Variants in FCHSD2 observed in about 807,000 individuals in gnomAD.
FCHSD2 encodes F-BAR and double SH3 domains protein 2.
Under a neutral mutation model 108.1 loss-of-function variants are expected in FCHSD2, and 38 were observed. That is an observed-to-expected ratio of 0.35 (90% confidence interval 0.27 to 0.46). The LOEUF is 0.46. FCHSD2 is among the 20% of genes least tolerant of loss of function. The pLI, the probability that FCHSD2 is intolerant of heterozygous loss-of-function variation, is 1.00. For missense variants in FCHSD2, 751 were observed against 897.8 expected, an observed-to-expected ratio of 0.84 and a Z score of 2.09; for synonymous variants, 279 against 314.7, an observed-to-expected ratio of 0.89 and a Z score of 1.20.
chr11:73,025,302 G>A (rs1591491416), intron 3 of FCHSD2, among the ~76,000 whole-genome samples: 1 of 152,198 alleles, frequency 6.6e-6, no homozygotes, highest in Non-Finnish European at 1.5e-5. Context: ...GGAGTACTAT[G>A]CAGCCACAAA....
intron 3 of FCHSD2, among the ~76,000 whole-genome samples, chr11:73,041,315 A>G (rs998986332): frequency 6.6e-6 from 1 of 152,174 alleles, no homozygotes; most frequent in Non-Finnish European, 1.5e-5. Flanking sequence ...ACTGTTTTCC[A>G]TAGTAGCTAT....
At chr11:72,862,125 G>A (rs763916945) in intron 13 of FCHSD2, among the ~76,000 whole-genome samples, 1 of 152,088 alleles carries the variant, frequency 6.6e-6, no homozygotes, top group Non-Finnish European at 1.5e-5. Context: ...TCTTTAACAT[G>A]ATAAAGGGCA....
chr11:72,885,575 C>T (rs1855179889), intron 12 of FCHSD2, among the ~76,000 whole-genome samples: 1 of 152,106 alleles, frequency 6.6e-6, no homozygotes, highest in Non-Finnish European at 1.5e-5. Flanking sequence ...GTTAGGGTAC[C>T]AGTCGGTGAT....
At chr11:72,967,837 A>G (rs1231172684) in intron 8 of FCHSD2, among the ~76,000 whole-genome samples, 1 of 151,452 alleles carries the variant, frequency 6.6e-6, no homozygotes, top group Non-Finnish European at 1.5e-5. Flanking sequence ...CATGCCTGTA[A>G]TCTCAGCACT....
chr11:73,074,215 A>G (rs1474503848), intron 3 of FCHSD2, among the ~76,000 whole-genome samples: 1 of 152,178 alleles, frequency 6.6e-6, no homozygotes, highest in African/African-American at 2.4e-5. Flanking sequence ...AGTCAGGGGG[A>G]ATAAACTTTT....
At chr11:72,995,283 G>T (rs1348357802) in intron 5 of FCHSD2, among the ~76,000 whole-genome samples, 1 of 152,026 alleles carries the variant, frequency 6.6e-6, no homozygotes, top group African/African-American at 2.4e-5. Context: ...CAAAGTTTTT[G>T]TTTAATAAAT....
intron 3 of FCHSD2, among the ~76,000 whole-genome samples, chr11:73,075,888 G>A (rs1016289106): frequency 2.0e-5 from 3 of 151,906 alleles, no homozygotes; most frequent in African/African-American, 7.3e-5. Context: ...GGAGGCCAAC[G>A]CAGTCGGATC....
intron 3 of FCHSD2, among the ~76,000 whole-genome samples, chr11:73,030,923 G>A (rs139942011): frequency 9.2e-5 from 14 of 151,878 alleles, no homozygotes; most frequent in East Asian, 3.9e-4. Context: ...ATACTTGCGC[G>A]TCCTGAATTT....
chr11:72,981,639 T>A (rs1470649728), intron 8 of FCHSD2, among the ~76,000 whole-genome samples: 1 of 152,198 alleles, frequency 6.6e-6, no homozygotes, highest in African/African-American at 2.4e-5. Context: ...TCTTTGAAAC[T>A]GTTGGTCCTT....
intron 3 of FCHSD2, chr11:73,077,685 A>T (rs1182396867): frequency 2.5e-6 from 1 of 397,132 alleles, no homozygotes; most frequent in African/African-American, 2.1e-5. Flanking sequence ...ACAGCAATAA[A>T]AAGAAATGAA....
At chr11:72,869,680 T>C (rs1005664765) in intron 12 of FCHSD2, 1 of 152,204 alleles carries the variant, frequency 6.6e-6, no homozygotes, top group Non-Finnish European at 1.5e-5. Context: ...GGCATGGTAT[T>C]GATGATAGAT....
intron 8 of FCHSD2, among the ~76,000 whole-genome samples, chr11:72,961,271 G>A (rs1203382721): frequency 1.3e-5 from 2 of 152,170 alleles, no homozygotes; most frequent in Admixed American, 1.3e-4. Context: ...TCACTCTGTT[G>A]CCCAGGCTGG....
At chr11:72,990,571 T>G (rs1002803856) in intron 5 of FCHSD2, among the ~76,000 whole-genome samples, 1 of 152,132 alleles carries the variant, frequency 6.6e-6, no homozygotes, top group Non-Finnish European at 1.5e-5. Flanking sequence ...ACCACTCAAC[T>G]ACATGCAAAC....
intron 9 of FCHSD2, among the ~76,000 whole-genome samples, chr11:72,915,930 G>C (rs959583657): frequency 6.6e-6 from 1 of 152,196 alleles, no homozygotes; most frequent in Admixed American, 6.5e-5. Context: ...CATGAATGGA[G>C]CTGGAGGCCA....
At chr11:72,931,504 C>T (rs1302571692) in intron 8 of FCHSD2, among the ~76,000 whole-genome samples, 7 of 151,494 alleles carry the variant, frequency 4.6e-5, no homozygotes, top group Non-Finnish European at 1.0e-4. Context: ...TGGTGGCTCA[C>T]GCCTGTAATC....
Position 73,055,058 on chromosome 11 carries a change from G to A in FCHSD2, c.165+28637C>T, listed in dbSNP as rs183834907. Reference sequence around the variant, plus strand: ...GGGGGAAGGCAAAAGGAGGAACAAAGGCTCATCCTACCTGGCGGTAGGCAA... The same window carrying A: ...GGGGGAAGGCAAAAGGAGGAACAAAAGCTCATCCTACCTGGCGGTAGGCAA... On this transcript the variant is annotated intron_variant, in intron 3 of 19. Transcript: ENST00000409418. Among the ~76,000 whole-genome samples the A allele has an allele frequency of 2.0e-5, 3 of 152,290 alleles. No individual in the cohort carries two copies. In the East Asian group the frequency reaches 5.8e-4, roughly 29 times the overall value.
At chr11:72,980,497 G>A (rs1857191717) in intron 8 of FCHSD2, among the ~76,000 whole-genome samples, 1 of 151,774 alleles carries the variant, frequency 6.6e-6, no homozygotes, top group Non-Finnish European at 1.5e-5. Flanking sequence ...ACTTTAACGA[G>A]GATAACAAAG....
chr11:72,987,747 C>T (rs897032424), intron 6 of FCHSD2, among the ~76,000 whole-genome samples: 1 of 151,994 alleles, frequency 6.6e-6, no homozygotes, highest in East Asian at 1.9e-4. Context: ...TTTGTTTATA[C>T]ATGCTTTACA....
Position 72,846,069 on chromosome 11 carries a change from TAGATAGATAGATAGATAGATAGATA to T in FCHSD2, c.1444-2562_1444-2538del, listed in dbSNP as rs1232891655. On this transcript the variant is annotated intron_variant, in intron 14 of 19. Transcript: ENST00000409418. Reference sequence around the variant, plus strand: ...ACAAATAAATAGATAGATAGATAGATAGATAGATAGATAGATAGATAGATAAGTAGTTACGATTACTTTTGACTTG... The same window carrying T: ...ACAAATAAATAGATAGATAGATAGATAGTAGTTACGATTACTTTTGACTTG... Among the ~76,000 whole-genome samples, 3 of 912 alleles carry T rather than the reference TAGATAGATAGATAGATAGATAGATA, an allele frequency of 3.3e-3. No homozygotes were observed. In the East Asian group the frequency reaches 0.19, roughly 57 times the overall value. 0.6% of individuals were successfully genotyped at this position (912 alleles called of 152,430 possible).
Sources: allele counts gnomAD v4.1 joint callset (sites outside exome capture counted in the v4.1 genomes callset), GRCh38; gene constraint gnomAD v4.1.1; transcripts MANE v1.5; gene names NCBI Gene and HGNC (gene_info 2026-07-23, HGNC 2026-07-21).